RBM47: variants seen among roughly 807,000 people sequenced by gnomAD.
The protein encoded by RBM47 is RNA binding motif protein 47.
In RBM47, 21 loss-of-function variants were observed where a neutral mutation model predicts 47.1. The observed-to-expected ratio is 0.45, with a 90% CI of 0.32 to 0.64. The LOEUF (loss-of-function observed/expected upper bound fraction) is 0.64. Ranked by LOEUF, RBM47 falls within the 30% of genes least tolerant of loss-of-function variation. The probability of loss-of-function intolerance (pLI) is 0.05; values close to 1 mark genes in which losing one functional copy is unlikely to be tolerated. For missense variants in RBM47, 708 were observed against 870.9 expected, an observed-to-expected ratio of 0.81 and a Z score of 2.35; for synonymous variants, 375 against 361.7, an observed-to-expected ratio of 1.04 and a Z score of -0.42.
chr4:40,468,121 G>A (rs530942371), intron 2 of RBM47, among the ~76,000 whole-genome samples: 3 of 151,962 alleles, frequency 2.0e-5, no homozygotes, highest in Admixed American at 6.6e-5. Context: ...CCCTGTTACC[G>A]CTAAAAATAC....
chr4:40,436,859 T>C (rs889141774), intron 4 of RBM47: 1 of 688,770 alleles, frequency 1.5e-6, no homozygotes, highest in South Asian at 1.5e-5. Flanking sequence ...AGAGGCAAAC[T>C]TGCAGGGTGA....
chr4:40,439,062 G>A (rs925214149), intron 3 of RBM47, 138 bp from the exon 4 acceptor site: 10 of 729,800 alleles, frequency 1.4e-5, no homozygotes, highest in Middle Eastern at 3.9e-4. Flanking sequence ...GGATGGAGGC[G>A]TTCTGGAAAT....
chr4:40,596,840 G>A (rs1734800694), intron 1 of RBM47, among the ~76,000 whole-genome samples: 1 of 152,072 alleles, frequency 6.6e-6, no homozygotes, highest in Admixed American at 6.6e-5. Flanking sequence ...GGGGCACGAG[G>A]GGCTTCAGTT....
chr4:40,497,425 C>T (rs1464444776), intron 2 of RBM47, among the ~76,000 whole-genome samples: 3 of 152,046 alleles, frequency 2.0e-5, no homozygotes, highest in Non-Finnish European at 4.4e-5. Flanking sequence ...CGAGACCAGC[C>T]TGGGCAACAT....
At chr4:40,569,617 G>T (rs1288909302) in intron 1 of RBM47, among the ~76,000 whole-genome samples, 2 of 151,704 alleles carry the variant, frequency 1.3e-5, no homozygotes, top group Non-Finnish European at 2.9e-5. Flanking sequence ...TACCGTGTTA[G>T]CCAGGACGGT....
At chr4:40,492,624 A>G (rs116144788) in intron 2 of RBM47, among the ~76,000 whole-genome samples, 1 of 152,220 alleles carries the variant, frequency 6.6e-6, no homozygotes, top group Non-Finnish European at 1.5e-5. Context: ...CTCACCATGC[A>G]GAATTATCTT....
intron 2 of RBM47, among the ~76,000 whole-genome samples, chr4:40,504,003 G>A (rs916267459): frequency 4.0e-5 from 6 of 151,722 alleles, no homozygotes; most frequent in Non-Finnish European, 7.4e-5. Flanking sequence ...TGAGACCCCC[G>A]TCTTGGAAAA....
chr4:40,469,295 A>C (rs1363227896), intron 2 of RBM47, among the ~76,000 whole-genome samples: 2 of 152,182 alleles, frequency 1.3e-5, no homozygotes, highest in African/African-American at 4.8e-5. Context: ...TAAAAAGGGA[A>C]AGAAGGATCA....
intron 1 of RBM47, among the ~76,000 whole-genome samples, chr4:40,548,527 G>T (rs1729241688): frequency 6.6e-6 from 1 of 152,224 alleles, no homozygotes; most frequent in South Asian, 2.1e-4. Flanking sequence ...AGACAAAGAA[G>T]GCAGGAAATA....
intron 2 of RBM47, among the ~76,000 whole-genome samples, chr4:40,479,350 C>A (rs1445297294): frequency 6.6e-6 from 1 of 152,094 alleles, no homozygotes; most frequent in East Asian, 1.9e-4. Flanking sequence ...TGCCTATAAT[C>A]CCAGCACTTT....
intron 2 of RBM47, among the ~76,000 whole-genome samples, chr4:40,518,467 C>T (rs1026330773): frequency 1.3e-5 from 2 of 152,118 alleles, no homozygotes; most frequent in East Asian, 1.9e-4. Flanking sequence ...TGAGCAACCA[C>T]GCCCAGCTGC....
chr4:40,495,550 C>A (rs984345445), intron 2 of RBM47, among the ~76,000 whole-genome samples: 1 of 151,552 alleles, frequency 6.6e-6, no homozygotes, highest in East Asian at 1.9e-4. Flanking sequence ...TGCAGCGAGC[C>A]AAGATCACAC....
At chr4:40,584,928 T>A (rs1733396717) in intron 1 of RBM47, among the ~76,000 whole-genome samples, 1 of 152,088 alleles carries the variant, frequency 6.6e-6, no homozygotes, top group African/African-American at 2.4e-5. Flanking sequence ...GCTGATGGAG[T>A]CTCAGCTAGT....
chr4:40,629,922 C>G (rs887700766), upstream of RBM47: 5 of 152,296 alleles, frequency 3.3e-5, no homozygotes, highest in African/African-American at 1.2e-4. Context: ...CTGCCGAGGC[C>G]ATCCGCCTCA....
rs1035897614 is a variant in RBM47, at chr4:40,629,828, T to C, written c.-672A>G. Reference sequence around the variant, plus strand: ...AGAGCGGCGCCGCGTCCCGGCTGCGTGGGGCGCTGCGCACGGGAGCGCTCA... The same window carrying C: ...AGAGCGGCGCCGCGTCCCGGCTGCGCGGGGCGCTGCGCACGGGAGCGCTCA... On this transcript the variant is annotated 5_prime_UTR_variant, in exon 1 of 7. Transcript: ENST00000295971. 13 of 152,290 alleles carry C rather than the reference T, an allele frequency of 8.5e-5. No homozygotes were observed. The highest frequency in any genetic ancestry group is 2.9e-4 in the African/African-American group (12 of 41,574). The allele number at this position is 152,290 out of a possible 1,614,324, so 9.4% of individuals were successfully genotyped here.
rs1032687501 is a variant in RBM47 at position 40,446,659 on chromosome 4, A to G, written c.-31-7735T>C. On this transcript the variant is annotated intron_variant, in intron 3 of 6. Coordinates refer to ENST00000295971, the MANE Select transcript of RBM47 (RefSeq NM_001098634.2). Reference sequence around the variant, plus strand: ...GAGGCTGAGGTGGGAAGATCACTTGAGCCTGGGAGGTCAAGGCTGCAGTGA... The same window carrying G: ...GAGGCTGAGGTGGGAAGATCACTTGGGCCTGGGAGGTCAAGGCTGCAGTGA... 1.1e-3 allele frequency among the ~76,000 whole-genome samples: 162 copies of G among 141,876 alleles called. 1 individual carries two copies. The highest frequency in any genetic ancestry group is 0.011 in the Middle Eastern group (3 of 270). The allele number at this position is 141,876 out of a possible 152,430, so 93.1% of individuals were successfully genotyped here.
intron 2 of RBM47, among the ~76,000 whole-genome samples, chr4:40,516,525 GCTGGGATTACAGGCATGAGCCACCATGC>G (rs1389033528): frequency 6.6e-6 from 1 of 152,148 alleles, no homozygotes; most frequent in Non-Finnish European, 1.5e-5. Context: ...CTCCCAAAGT[GCTGGGATTACAGGCATGAGCCACCATGC>G]CTGGCCCTCA....
chr4:40,596,341 G>C (rs577338137), intron 1 of RBM47, among the ~76,000 whole-genome samples: 1 of 152,290 alleles, frequency 6.6e-6, no homozygotes, highest in Non-Finnish European at 1.5e-5. Context: ...AGAATTCTTA[G>C]GTTTAAGGGG....
At chr4:40,470,534 T>C (rs1367598463) in intron 2 of RBM47, among the ~76,000 whole-genome samples, 1 of 152,212 alleles carries the variant, frequency 6.6e-6, no homozygotes. Flanking sequence ...TTTTGAAAGC[T>C]GTTTCAAGTC....
Sources: gnomAD v4.1 joint callset for allele counts (sites outside exome capture counted in the v4.1 genomes callset) on GRCh38, gnomAD v4.1.1 for gene constraint, MANE v1.5 for transcripts, NCBI Gene and HGNC (gene_info 2026-07-23, HGNC 2026-07-21) for gene names.